The following ADAM22 variants were observed in gnomAD, a reference collection of about 807,000 sequenced individuals.
The protein encoded by ADAM22 is disintegrin and metalloproteinase domain-containing protein 22.
ADAM22 carries 65 observed loss-of-function variants against 144.6 expected under a neutral mutation model. The ratio of observed to expected loss-of-function variants is 0.45; its 90% CI spans 0.37 to 0.55. ADAM22 has a LOEUF of 0.55. Ranked by LOEUF, ADAM22 falls within the 20% of genes least tolerant of loss-of-function variation. ADAM22 has a pLI of 0.00. For synonymous variants in ADAM22, 391 were observed against 412.6 expected, an observed-to-expected ratio of 0.95 and a Z score of 0.63; for missense variants, 974 against 1,184.9, an observed-to-expected ratio of 0.82 and a Z score of 2.61.
chr7:88,070,500 C>T (rs1328208202), intron 3 of ADAM22, among the ~76,000 whole-genome samples: 1 of 152,186 alleles, frequency 6.6e-6, no homozygotes, highest in East Asian at 1.9e-4. Context: ...GATCTTTGCT[C>T]TGAGGCTGTT....
At chr7:87,984,586 C>G (rs1025890176) in intron 3 of ADAM22, among the ~76,000 whole-genome samples, 7 of 152,164 alleles carry the variant, frequency 4.6e-5, no homozygotes, top group African/African-American at 1.7e-4. Flanking sequence ...TCTATGTGTG[C>G]TTCTCAGAAA....
chr7:88,124,199 AG>A (rs1013788951), intron 7 of ADAM22, among the ~76,000 whole-genome samples: 6 of 151,806 alleles, frequency 4.0e-5, no homozygotes, highest in African/African-American at 1.4e-4. Flanking sequence ...TCAATTACTG[AG>A]GGAGGATTGT....
intron 28 of ADAM22, 47 bp from the exon 29 acceptor site, chr7:88,181,911 C>A (rs557549922): frequency 2.0e-6 from 3 of 1,531,220 alleles, no homozygotes; most frequent in Admixed American, 1.7e-5. Context: ...AGACATAGGG[C>A]AATCACTTAT....
chr7:88,163,618 G>A (rs1013661823), intron 23 of ADAM22, among the ~76,000 whole-genome samples: 2 of 152,132 alleles, frequency 1.3e-5, no homozygotes, highest in Non-Finnish European at 2.9e-5. Flanking sequence ...CCACACCAGC[G>A]TGTACAAGCT....
chr7:88,113,119 C>CTT (rs34323035), intron 5 of ADAM22, among the ~76,000 whole-genome samples: 3,145 of 79,002 alleles, frequency 0.04, 215 homozygotes, highest in Admixed American at 0.069. Flanking sequence ...TGCCTGCCCT[C>CTT]TTTTTTTTTT....
chr7:87,967,173 CT>C (rs1849326147), intron 2 of ADAM22, among the ~76,000 whole-genome samples: 1 of 152,194 alleles, frequency 6.6e-6, no homozygotes, highest in Admixed American at 6.5e-5. Flanking sequence ...AATTAAACCT[CT>C]TTCCTTTATA....
chr7:88,116,402 A>G (rs1019831049), intron 6 of ADAM22, among the ~76,000 whole-genome samples: 2 of 152,196 alleles, frequency 1.3e-5, no homozygotes, highest in Non-Finnish European at 2.9e-5. Flanking sequence ...TGACTTTTAA[A>G]AGGGTGCAGG....
chr7:88,031,325 G>C (rs959998699), intron 3 of ADAM22, among the ~76,000 whole-genome samples: 1 of 152,184 alleles, frequency 6.6e-6, no homozygotes. Context: ...CAGAAGAAGA[G>C]AGGAAGATGA....
At chr7:88,129,478 T>C (rs1019094511) in intron 9 of ADAM22, among the ~76,000 whole-genome samples, 1 of 152,048 alleles carries the variant, frequency 6.6e-6, no homozygotes, top group African/African-American at 2.4e-5. Context: ...TTGCTAATAA[T>C]AATAATAACA....
intron 4 of ADAM22, among the ~76,000 whole-genome samples, chr7:88,087,000 T>C (rs1818612189): frequency 6.6e-6 from 1 of 152,200 alleles, no homozygotes; most frequent in South Asian, 2.1e-4. Context: ...AGACAACCTG[T>C]AAATACAACT....
chr7:87,986,849 T>C (rs1788605757), intron 3 of ADAM22, among the ~76,000 whole-genome samples: 1 of 152,240 alleles, frequency 6.6e-6, no homozygotes, highest in Non-Finnish European at 1.5e-5. Flanking sequence ...TTATTTAAAT[T>C]GTAAATAAAA....
chr7:88,027,739 T>G (rs1799329971), intron 3 of ADAM22, among the ~76,000 whole-genome samples: 1 of 152,308 alleles, frequency 6.6e-6, no homozygotes, highest in East Asian at 1.9e-4. Flanking sequence ...TAACTTTGGA[T>G]GTGGTTTGCT....
At chr7:87,976,569 T>C (rs1370665292) in intron 2 of ADAM22, among the ~76,000 whole-genome samples, 2 of 152,202 alleles carry the variant, frequency 1.3e-5, no homozygotes, top group Non-Finnish European at 2.9e-5. Flanking sequence ...CAGTCTGTGG[T>C]ATTTTGTTTT....
At chr7:88,164,631 G>A (rs1842537774) in intron 23 of ADAM22, among the ~76,000 whole-genome samples, 1 of 152,010 alleles carries the variant, frequency 6.6e-6, no homozygotes, top group Non-Finnish European at 1.5e-5. Context: ...TCGCCTTTGT[G>A]ACTCAATTTC....
At chr7:88,050,233 A>C (rs975541161) in intron 3 of ADAM22, among the ~76,000 whole-genome samples, 8 of 150,396 alleles carry the variant, frequency 5.3e-5, no homozygotes, top group East Asian at 1.9e-4. Context: ...AAAAAAAAAA[A>C]AAAAAAAAAA....
chr7:87,999,729 A>G (rs1318117944), intron 3 of ADAM22, among the ~76,000 whole-genome samples: 2 of 152,324 alleles, frequency 1.3e-5, no homozygotes, highest in East Asian at 3.9e-4. Context: ...AAAATTTTCC[A>G]TTATTTCAGG....
At chr7:88,003,399 C>T (rs1793039568) in intron 3 of ADAM22, among the ~76,000 whole-genome samples, 1 of 152,202 alleles carries the variant, frequency 6.6e-6, no homozygotes. Flanking sequence ...GGGGCTTTAA[C>T]TGGGAATCAA....
intron 12 of ADAM22, among the ~76,000 whole-genome samples, chr7:88,133,849 C>T (rs1190779014): frequency 2.0e-5 from 3 of 152,072 alleles, no homozygotes; most frequent in Non-Finnish European, 4.4e-5. Context: ...TTCTATTGGC[C>T]GAAGATCATC....
intron 4 of ADAM22, among the ~76,000 whole-genome samples, chr7:88,086,165 G>A (rs1033295796): frequency 1.3e-5 from 2 of 152,136 alleles, no homozygotes. Context: ...GACAGAGCAA[G>A]ACTCTGTCTC....
Sources: gnomAD v4.1 joint callset for allele counts (sites outside exome capture counted in the v4.1 genomes callset) on GRCh38, gnomAD v4.1.1 for gene constraint, MANE v1.5 for transcripts, NCBI Gene and HGNC (gene_info 2026-07-23, HGNC 2026-07-21) for gene names.